The following ASXL3 variants were observed in gnomAD, a reference collection of about 807,000 sequenced individuals.
ASXL3 encodes the protein ASXL transcriptional regulator 3.
Under a neutral mutation model 170.6 loss-of-function variants are expected in ASXL3, and 34 were observed. The ratio of observed to expected loss-of-function variants is 0.20; its 90% CI spans 0.15 to 0.27. The LOEUF is 0.27. ASXL3 is among the 10% of genes least tolerant of loss of function. ASXL3 has a pLI of 1.00. For synonymous variants in ASXL3, 1,002 were observed against 989.1 expected, an observed-to-expected ratio of 1.01 and a Z score of -0.24; for missense variants, 2,592 against 2,695.3, an observed-to-expected ratio of 0.96 and a Z score of 0.85.
At chr18:33,721,112 T>TA (rs1486143474) in intron 8 of ASXL3, among the ~76,000 whole-genome samples, 1 of 152,066 alleles carries the variant, frequency 6.6e-6, no homozygotes, top group Non-Finnish European at 1.5e-5. Context: ...CTGTTTCTCT[T>TA]AGAATAAGAG....
intron 2 of ASXL3, among the ~76,000 whole-genome samples, chr18:33,624,568 A>T (rs1318909293): frequency 6.6e-6 from 1 of 152,120 alleles, no homozygotes; most frequent in African/African-American, 2.4e-5. Flanking sequence ...GTCCATACTC[A>T]TAAGTGTTAA....
intron 8 of ASXL3, among the ~76,000 whole-genome samples, chr18:33,729,643 C>T (rs1025772129): frequency 6.6e-6 from 1 of 152,096 alleles, no homozygotes; most frequent in Non-Finnish European, 1.5e-5. Context: ...ATGAAAATAA[C>T]AAGACTTATG....
At chr18:33,686,464 T>C (rs1322900415) in intron 8 of ASXL3, among the ~76,000 whole-genome samples, 2 of 152,212 alleles carry the variant, frequency 1.3e-5, no homozygotes, top group Non-Finnish European at 2.9e-5. Flanking sequence ...AGAAGTTTAA[T>C]CTGAATGTAG....
At chr18:33,632,119 G>C (rs2065687122) in intron 2 of ASXL3, among the ~76,000 whole-genome samples, 1 of 152,080 alleles carries the variant, frequency 6.6e-6, no homozygotes, top group Non-Finnish European at 1.5e-5. Context: ...CTTCTGGCCA[G>C]ATCGCCTAGA....
At chr18:33,589,932 A>G (rs933227298) in intron 1 of ASXL3, among the ~76,000 whole-genome samples, 1 of 152,092 alleles carries the variant, frequency 6.6e-6, no homozygotes, top group African/African-American at 2.4e-5. Flanking sequence ...CATTTGTCAA[A>G]TGAAGAAATT....
chr18:33,620,330 AG>A (rs2065490820), intron 2 of ASXL3, among the ~76,000 whole-genome samples: 2 of 152,132 alleles, frequency 1.3e-5, no homozygotes, highest in Admixed American at 6.6e-5. Context: ...GCATTAATTA[AG>A]ATTTGTTGGA....
At chr18:33,680,749 T>C (rs2066501610) in intron 7 of ASXL3, among the ~76,000 whole-genome samples, 1 of 152,030 alleles carries the variant, frequency 6.6e-6, no homozygotes, top group Admixed American at 6.5e-5. Flanking sequence ...TTATCTGGTC[T>C]GATGTTAATA....
chr18:33,749,151 C>A lies in ASXL3; in HGVS notation c.*2556C>A, dbSNP rs971238383. 3 of 143,564 alleles carry A rather than the reference C, an allele frequency of 2.1e-5. No homozygotes were observed. Among genetic ancestry groups the A allele is most frequent in the Non-Finnish European group, 4.5e-5 (3 of 66,716 alleles). The allele number at this position is 143,564 out of a possible 1,614,324, so 8.9% of individuals were successfully genotyped here. On this transcript the variant is annotated 3_prime_UTR_variant, in exon 12 of 12. Coordinates refer to ENST00000269197, the MANE Select transcript of ASXL3 (RefSeq NM_030632.3). ...GTTTATATTACTGAAAAATTAATAT[C>A]TTTAAGCTAAAATATAAGGGAAAGG...
At chr18:33,730,216 C>T (rs529839029) in intron 8 of ASXL3, among the ~76,000 whole-genome samples, 3 of 152,024 alleles carry the variant, frequency 2.0e-5, no homozygotes, top group East Asian at 3.9e-4. Context: ...GCCAAACATC[C>T]GACATTACAC....
In ASXL3 at chr18:33,607,617, A is replaced by G; in HGVS notation, c.78A>G (p.Ser26=). 1 of 1,590,076 alleles carries G rather than the reference A, an allele frequency of 6.3e-7. No individual in the cohort carries two copies. Among genetic ancestry groups the G allele is most frequent in the Non-Finnish European group, 8.6e-7 (1 of 1,167,332 alleles). The change falls in exon 2 of 12, where the codon TCA becomes TCG. Residue 26 remains serine, a synonymous_variant. Transcript: ENST00000269197. ...ARLALEKHPN[S]PMTAKQILEV... ...AGGCACTAGAAAAACACCCCAACTC[A>G]CCAATGACAGCAAAGCAGATATTGG...
intron 8 of ASXL3, among the ~76,000 whole-genome samples, chr18:33,713,943 A>G (rs559493088): frequency 6.6e-6 from 1 of 152,330 alleles, no homozygotes; most frequent in East Asian, 1.9e-4. Flanking sequence ...TCAGTGTTAC[A>G]TGCTGGTCTC....
intron 2 of ASXL3, among the ~76,000 whole-genome samples, chr18:33,615,276 C>T (rs551545729): frequency 4.6e-5 from 7 of 152,226 alleles, no homozygotes; most frequent in Admixed American, 3.9e-4. Flanking sequence ...TGGCTTCTTT[C>T]CTTAAGCCTC....
chr18:33,674,941 A>C (rs996942761), intron 7 of ASXL3, among the ~76,000 whole-genome samples: 2 of 152,088 alleles, frequency 1.3e-5, no homozygotes, highest in Non-Finnish European at 2.9e-5. Context: ...TTAGACAATG[A>C]TGTTTTTAAT....
At chr18:33,617,642 C>T (rs1459725432) in intron 2 of ASXL3, among the ~76,000 whole-genome samples, 3 of 152,136 alleles carry the variant, frequency 2.0e-5, no homozygotes, top group Non-Finnish European at 4.4e-5. Context: ...ATTATAGCCA[C>T]GAAATGGCCA....
rs114898357 is a variant in ASXL3 at position 33,679,584 on chromosome 18, A to T, written c.716-3821A>T. Among the ~76,000 whole-genome samples the T allele has an allele frequency of 6.5e-3, 994 of 152,220 alleles. 11 individuals carry two copies. The highest frequency in any genetic ancestry group is 0.023 in the African/African-American group (951 of 41,568). On this transcript the variant is annotated intron_variant, in intron 7 of 11. Transcript: ENST00000269197. Reference sequence around the variant, plus strand: ...TAATGAAATAGGGAGTTCCAGAGATAGGTCAAGAAAGTAAGTCTCCCACCT... The same window carrying T: ...TAATGAAATAGGGAGTTCCAGAGATTGGTCAAGAAAGTAAGTCTCCCACCT...
Position 33,685,464 on chromosome 18 carries a change from G to A in ASXL3, c.879+1896G>A, listed in dbSNP as rs145470959. ...TTAGAAACGTTTAGGGGAAAGATCT[G>A]ATTTATTAGCTTATACAACAATTTC... On this transcript the variant is annotated intron_variant, in intron 8 of 11. Coordinates refer to ENST00000269197, the MANE Select transcript of ASXL3 (RefSeq NM_030632.3). 6.6e-5 allele frequency among the ~76,000 whole-genome samples: 10 copies of A among 152,290 alleles called. No homozygotes were observed. In the East Asian group the frequency reaches 1.9e-3, roughly 29 times the overall value.
chr18:33,582,300 A>T (rs2065000324), intron 1 of ASXL3, among the ~76,000 whole-genome samples: 1 of 152,196 alleles, frequency 6.6e-6, no homozygotes, highest in South Asian at 2.1e-4. Flanking sequence ...AACGATCTTC[A>T]TGCTTCTTTG....
At chr18:33,584,934 A>G (rs1335774891) in intron 1 of ASXL3, among the ~76,000 whole-genome samples, 2 of 149,530 alleles carry the variant, frequency 1.3e-5, no homozygotes, top group Admixed American at 6.6e-5. Context: ...TTTTTTTTCT[A>G]TGTAACTTGT....
In ASXL3 at chr18:33,743,487, T is replaced by A. The variant is rs2067704061; in HGVS notation, c.3639T>A (p.Ser1213=). Residue 1213 remains serine (S), a synonymous_variant, in exon 12 of 12, where the codon TCT becomes TCA. Coordinates refer to ENST00000269197, the MANE Select transcript of ASXL3 (RefSeq NM_030632.3). ...AAAACATACCTGTGTCACATTTATC[T>A]GAGAAAATTGTTTCATCTACCTCTT... The part of the protein sequence containing the change: ...SDENIPVSHL[S]EKIVSSTSSE... The A allele has an allele frequency of 6.2e-7, 1 of 1,613,400 alleles. No homozygotes were observed. The highest frequency in any genetic ancestry group is 1.7e-5 in the Admixed American group (1 of 60,006).
Sources: allele counts gnomAD v4.1 joint callset (sites outside exome capture counted in the v4.1 genomes callset), GRCh38; gene constraint gnomAD v4.1.1; transcripts MANE v1.5; gene names NCBI Gene and HGNC (gene_info 2026-07-23, HGNC 2026-07-21).